GCM1: variants seen among roughly 807,000 people sequenced by gnomAD.
GCM1 encodes chorion-specific transcription factor GCMa.
In GCM1, 2 loss-of-function variants were observed where a neutral mutation model predicts 25.7. The ratio of observed to expected loss-of-function variants is 0.08; its 90% CI spans 0.03 to 0.24. The LOEUF is 0.24. GCM1 is among the 10% of genes least tolerant of loss of function. The pLI, the probability that GCM1 is intolerant of heterozygous loss-of-function variation, is 1.00. For synonymous variants in GCM1, 183 were observed against 195.7 expected, an observed-to-expected ratio of 0.94 and a Z score of 0.54; for missense variants, 395 against 538.7, an observed-to-expected ratio of 0.73 and a Z score of 2.64.
At position 53,128,410 on chromosome 6, in the gene GCM1, A is replaced by G. The variant is rs367768924; in HGVS notation, c.1107T>C (p.His369=). 1 of 1,613,714 alleles carries G rather than the reference A, an allele frequency of 6.2e-7. No homozygotes were observed. The highest frequency in any genetic ancestry group is 1.7e-5 in the Admixed American group (1 of 60,010). ...PAGNLYEEKV[H]VDFNSYVQSP... ...ACTGGACGTAGCTGTTAAAATCCAC[A>G]TGTACTTTCTCTTCATAAAGATTAC... The change falls in exon 6 of 6, where the codon CAT becomes CAC. Residue 369 remains histidine (H), a synonymous_variant. Coordinates refer to ENST00000259803, the MANE Select transcript of GCM1 (RefSeq NM_003643.4).
Position 53,144,519 on chromosome 6 carries a change from C to T in GCM1, c.75+1039G>A, listed in dbSNP as rs372832815. On this transcript the variant is annotated intron_variant, in intron 2 of 5. Coordinates refer to ENST00000259803, the MANE Select transcript of GCM1 (RefSeq NM_003643.4). ...TTTCCAAAATAGGAGGAGAAGAGGC[C>T]AGGCTGTTTATGCCTGTAATCCCAG... Among the ~76,000 whole-genome samples the T allele has an allele frequency of 1.7e-3, 261 of 151,414 alleles. 1 individual carries two copies. Among genetic ancestry groups the T allele is most frequent in the African/African-American group, 6.0e-3 (249 of 41,228 alleles).
intron 3 of GCM1, among the ~76,000 whole-genome samples, chr6:53,132,909 T>G (rs2518574): frequency 0.7 from 106,676 of 152,062 alleles, 37,723 homozygotes; most frequent in Admixed American, 0.75. Flanking sequence ...AAGTGGGCAA[T>G]GTACAGGGCA....
chr6:53,139,706 C>G (rs529442484), intron 2 of GCM1, among the ~76,000 whole-genome samples: 2 of 151,616 alleles, frequency 1.3e-5, no homozygotes, highest in South Asian at 4.2e-4. Flanking sequence ...CTAAAAATAC[C>G]AAAAATTAGC....
At chr6:53,140,841 A>G (rs894370796) in intron 2 of GCM1, among the ~76,000 whole-genome samples, 5 of 152,226 alleles carry the variant, frequency 3.3e-5, no homozygotes, top group African/African-American at 7.2e-5. Context: ...AAGTATTACA[A>G]TCAGTACTAA....
chr6:53,137,835 C>T (rs1053684117), intron 2 of GCM1, among the ~76,000 whole-genome samples: 5 of 152,104 alleles, frequency 3.3e-5, no homozygotes, highest in African/African-American at 1.2e-4. Context: ...ATCCCATGAA[C>T]CAGAAGGAGC....
chr6:53,133,137 C>A (rs17670011), intron 3 of GCM1, among the ~76,000 whole-genome samples: 4,492 of 152,298 alleles, frequency 0.029, 73 homozygotes, highest in East Asian at 0.072. Flanking sequence ...TTACATGGGT[C>A]ATTGATGAAT....
chr6:53,145,232 T>C (rs915139138), intron 2 of GCM1, among the ~76,000 whole-genome samples: 5 of 152,220 alleles, frequency 3.3e-5, no homozygotes, highest in Non-Finnish European at 7.3e-5. Context: ...AGTCAATTTA[T>C]GGCCAAATAA....
intron 3 of GCM1, among the ~76,000 whole-genome samples, chr6:53,133,190 G>A (rs1763749622): frequency 6.6e-6 from 1 of 152,078 alleles, no homozygotes; most frequent in Non-Finnish European, 1.5e-5. Context: ...TTTTATTTTT[G>A]GATGGAGTCT....
At chr6:53,136,163 T>C (rs1763797175) in intron 2 of GCM1, among the ~76,000 whole-genome samples, 2 of 152,266 alleles carry the variant, frequency 1.3e-5, no homozygotes, top group South Asian at 2.1e-4. Flanking sequence ...CTAGGGCCCA[T>C]GGGCCAAATC....
chr6:53,137,265 A>C (rs1032211222), intron 2 of GCM1, among the ~76,000 whole-genome samples: 3 of 151,988 alleles, frequency 2.0e-5, no homozygotes, highest in African/African-American at 7.3e-5. Context: ...TCTCCTCCCC[A>C]ATTCTCTGGT....
At chr6:53,141,483 C>T (rs1452630237) in intron 2 of GCM1, among the ~76,000 whole-genome samples, 1 of 151,680 alleles carries the variant, frequency 6.6e-6, no homozygotes, top group Admixed American at 6.6e-5. Context: ...GTCGGGAGAT[C>T]GAGACCATCC....
chr6:53,144,984 A>AAC (rs141157978), intron 2 of GCM1, among the ~76,000 whole-genome samples: 1 of 148,268 alleles, frequency 6.7e-6, no homozygotes, highest in African/African-American at 2.5e-5. Flanking sequence ...AATGAAAAGA[A>AAC]AGAGAGAGAG....
In GCM1 at chr6:53,147,482, G is replaced by T. The variant is rs1391322043; in HGVS notation, c.-137+1272C>A. ...TTACTCTTATCACCCAGGCTGGAGT[G>T]CAGTGGCGCAATCTCAGCTCACCAT... On this transcript the variant is annotated intron_variant, in intron 1 of 5. Transcript: ENST00000259803. Among the ~76,000 whole-genome samples the T allele has an allele frequency of 2.0e-4, 28 of 143,048 alleles. 1 individual carries two copies. Among genetic ancestry groups the T allele is most frequent in the Non-Finnish European group, 9.0e-5 (6 of 66,362 alleles). The allele number at this position is 143,048 out of a possible 152,430, so 93.8% of individuals were successfully genotyped here. A position where few individuals can be genotyped will look rare whatever the true frequency, so the allele number is the denominator to read the frequency against.
In GCM1 at chr6:53,130,922, C is replaced by T. The variant is rs1763715717; in HGVS notation, c.451G>A (p.Glu151Lys). The T allele has an allele frequency of 5.6e-6, 9 of 1,613,284 alleles. No homozygotes were observed. The highest frequency in any genetic ancestry group is 7.6e-6 in the Non-Finnish European group (9 of 1,179,334). The part of the protein sequence containing the change: ...GRFIFFQSKG[E>K]HDHPKPETKL... ...GTTTCTGGTTTTGGATGATCATGCT[C>T]TCCCTTTGACTTAAATGAGACAAGG... The change falls in exon 5 of 6, where the codon GAG becomes AAG. Residue 151 changes from glutamate to lysine, a missense_variant. Around this residue, in one of 5 missense-constraint regions of GCM1, gnomAD observed 32 missense variants for 97.7 expected, o/e 0.33. Transcript: ENST00000259803.
In GCM1 at chr6:53,128,453, A is replaced by G. The variant is rs1409522315; in HGVS notation, c.1064T>C (p.Leu355Ser). The change falls in exon 6 of 6, where the codon TTA becomes TCA. Residue 355 changes from leucine (L) to serine (S), a missense_variant. Leu to Ser is a moderately radical substitution (Grantham distance 145, BLOSUM62 -2). Transcript: ENST00000259803. ...PPAAKTGCPP[L>S]WPNPAGNLYE... The stretch of plus-strand genomic sequence containing the variant: ...AAGATTACCCGCTGGATTTGGCCAT[A>G]ATGGGGGACAGCCAGTTTTGGCTGC... The G allele has an allele frequency of 5.0e-6, 8 of 1,614,072 alleles. No homozygotes were observed. The South Asian group carries it at 6.6e-5, about 13-fold the overall frequency.
intron 2 of GCM1, among the ~76,000 whole-genome samples, chr6:53,134,838 G>A (rs1041034854): frequency 5.3e-5 from 8 of 152,120 alleles, no homozygotes; most frequent in African/African-American, 1.4e-4. Context: ...ACATTGTGGC[G>A]GGATAGTGAG....
At chr6:53,145,411 C>G (rs1763940202) in intron 2 of GCM1, 147 bp downstream of exon 2, 1 of 657,924 alleles carries the variant, frequency 1.5e-6, no homozygotes, top group African/African-American at 1.9e-5. Flanking sequence ...TTCTTAAAAT[C>G]CCTCAGTCGG....
In GCM1 at chr6:53,128,597, T is replaced by C. The variant is rs376111326; in HGVS notation, c.920A>G (p.His307Arg). ...ATTGGAATAACAGTTGTCAGCAAGA[T>C]GATTTCTCCCCAAAGCAGCATTTTT... Reference protein sequence around the residue: ...WSKNAALGRNHLADNCYSNYP... With the variant: ...WSKNAALGRNRLADNCYSNYP... Residue 307 changes from histidine to arginine, a missense_variant, in exon 6 of 6, where the codon CAT (histidine) becomes CGT (arginine). This residue lies in a region of GCM1 where 291 missense variants were observed against 314.6 expected (regional missense o/e 0.92). Coordinates refer to ENST00000259803, the MANE Select transcript of GCM1 (RefSeq NM_003643.4). The C allele has an allele frequency of 1.2e-5, 19 of 1,614,018 alleles. No individual in the cohort carries two copies. In the African/African-American group the frequency reaches 2.1e-4, roughly 18 times the overall value.
At chr6:53,136,251 T>A (rs1336505142) in intron 2 of GCM1, among the ~76,000 whole-genome samples, 1 of 152,280 alleles carries the variant, frequency 6.6e-6, no homozygotes, top group African/African-American at 2.4e-5. Context: ...TGTCTATGGA[T>A]GTTTTTACAC....
Sources: allele counts gnomAD v4.1 joint callset (sites outside exome capture counted in the v4.1 genomes callset), GRCh38; gene constraint gnomAD v4.1.1; regional missense constraint gnomAD v4.1.1; transcripts MANE v1.5; gene names NCBI Gene and HGNC (gene_info 2026-07-23, HGNC 2026-07-21).